The following MAPK10 variants were observed in gnomAD, a reference collection of about 807,000 sequenced individuals.
The protein encoded by MAPK10 is mitogen-activated protein kinase 10, also known as JNK3 alpha protein kinase.
MAPK10 carries 25 observed loss-of-function variants against 59.3 expected under a neutral mutation model. That is an observed-to-expected ratio of 0.42 (90% confidence interval 0.31 to 0.59). The LOEUF (loss-of-function observed/expected upper bound fraction) is 0.59, where lower values mean the gene tolerates loss of function less well. Among genes scored for constraint, MAPK10 ranks in the 20% least tolerant of loss-of-function variants. MAPK10 has a pLI of 0.15. For missense variants in MAPK10, 351 were observed against 568.9 expected, an observed-to-expected ratio of 0.62 and a Z score of 3.90; for synonymous variants, 190 against 200.5, an observed-to-expected ratio of 0.95 and a Z score of 0.44.
intron 9 of MAPK10, among the ~76,000 whole-genome samples, chr4:86,097,466 G>T (rs1393218336): frequency 6.6e-6 from 1 of 151,776 alleles, no homozygotes; most frequent in African/African-American, 2.4e-5. Context: ...ATAATAGAAG[G>T]ATTCCTTAAT....
At chr4:86,023,106 T>C (rs1748185619) in intron 13 of MAPK10, among the ~76,000 whole-genome samples, 1 of 152,236 alleles carries the variant, frequency 6.6e-6, no homozygotes, top group African/African-American at 2.4e-5. Flanking sequence ...TCATTTTTAG[T>C]TCATTTTTGT....
In MAPK10 at chr4:86,461,067, G is replaced by A. The variant is rs533985818; in HGVS notation, c.-262-106423C>T. Among the ~76,000 whole-genome samples the A allele has an allele frequency of 4.1e-4, 63 of 151,920 alleles. 1 individual carries two copies. The South Asian group carries it at 8.8e-3, about 21-fold the overall frequency. On this transcript the variant is annotated intron_variant, in intron 1 of 4. Transcript: ENST00000502302. ...CATACGTGGGGCTCAAACCCAGGTC[G>A]AAGGGTCATTGGAGTGATGGTTGGA...
Position 86,070,535 on chromosome 4 carries a change from T to C in MAPK10, c.803-2580A>G, listed in dbSNP as rs61237754. Among the ~76,000 whole-genome samples, 549 of 142,052 alleles carry C rather than the reference T, an allele frequency of 3.9e-3. 26 individuals are homozygous for C. In the East Asian group the frequency reaches 0.096, roughly 25 times the overall value. 93.2% of individuals were successfully genotyped at this position (142,052 alleles called of 152,430 possible). A position where few individuals can be genotyped will look rare whatever the true frequency, so the allele number is the denominator to read the frequency against. On this transcript the variant is annotated intron_variant, in intron 9 of 13. Transcript: ENST00000641462. ...TAGGTATATCTCCCAATGCTATCCTTCCCCCCTCCCCCCACCCCACCACAG... is the reference window on the plus strand; with the variant it reads ...TAGGTATATCTCCCAATGCTATCCTCCCCCCCTCCCCCCACCCCACCACAG...
intron 2 of MAPK10, among the ~76,000 whole-genome samples, chr4:86,245,686 G>C (rs2093040630): frequency 6.6e-6 from 1 of 151,876 alleles, no homozygotes; most frequent in African/African-American, 2.4e-5. Context: ...AGTTATTTAG[G>C]CCTTGTGGGT....
Position 86,306,303 on chromosome 4 carries a change from CTCAT to C in MAPK10, c.-7+48223_-7+48226del, listed in dbSNP as rs2095567386. ...TTCCTTAATAGAGGATAGCTAGATT[CTCAT>C]TCAATCTATTGTGATATCACATATC... On this transcript the variant is annotated intron_variant, in intron 2 of 13. Transcript: ENST00000641462. Among the ~76,000 whole-genome samples, 6 of 152,338 alleles carry C rather than the reference CTCAT, an allele frequency of 3.9e-5. No individual in the cohort carries two copies. The South Asian group carries it at 1.2e-3, about 32-fold the overall frequency.
intron 1 of MAPK10, among the ~76,000 whole-genome samples, chr4:86,483,802 A>G (rs1753777147): frequency 6.6e-6 from 1 of 152,182 alleles, no homozygotes; most frequent in Non-Finnish European, 1.5e-5. Flanking sequence ...TCATGAAATG[A>G]GATTAGATGG....
intron 1 of MAPK10, among the ~76,000 whole-genome samples, chr4:86,407,751 A>G (rs1264912011): frequency 6.6e-6 from 1 of 152,192 alleles, no homozygotes; most frequent in Non-Finnish European, 1.5e-5. Context: ...AAAATAATTG[A>G]AAGAAAACGT....
rs1742305255 is a variant in MAPK10 at position 86,014,153 on chromosome 4, G to A, written c.*3075C>T. The A allele has an allele frequency of 6.6e-6, 1 of 152,084 alleles. No homozygotes were observed. The highest frequency in any genetic ancestry group is 1.5e-5 in the Non-Finnish European group (1 of 68,028). 9.4% of individuals were successfully genotyped at this position (152,084 alleles called of 1,614,324 possible). A position where few individuals can be genotyped will look rare whatever the true frequency, so the allele number is the denominator to read the frequency against. On this transcript the variant is annotated 3_prime_UTR_variant, in exon 14 of 14. Coordinates refer to ENST00000641462, the MANE Select transcript of MAPK10 (RefSeq NM_138982.4). Reference sequence around the variant, plus strand: ...CTAACAGAAGGTTAGGCTCCTCAGAGTGCCAACTTCATGTTCCAAAATGAG... The same window carrying A: ...CTAACAGAAGGTTAGGCTCCTCAGAATGCCAACTTCATGTTCCAAAATGAG...
At chr4:86,488,356 A>C (rs1754184594) in intron 1 of MAPK10, among the ~76,000 whole-genome samples, 1 of 152,166 alleles carries the variant, frequency 6.6e-6, no homozygotes, top group Admixed American at 6.5e-5. Flanking sequence ...TCATCAATGT[A>C]TAGTTCCAGC....
rs145002128 is a variant in MAPK10 at position 86,247,037 on chromosome 4, G to T, written c.-6-52630C>A. Among the ~76,000 whole-genome samples, 1,154 of 152,288 alleles carry T rather than the reference G, an allele frequency of 7.6e-3. 20 individuals carry two copies. Among genetic ancestry groups the T allele is most frequent in the African/African-American group, 0.026 (1,060 of 41,548 alleles). On this transcript the variant is annotated intron_variant, in intron 2 of 13. Transcript: ENST00000641462. ...GGGTAGGTTTACTCAGCTTCAGCCAGAGAGAATAAGGATGCATGTTAATTG... is the reference window on the plus strand; with the variant it reads ...GGGTAGGTTTACTCAGCTTCAGCCATAGAGAATAAGGATGCATGTTAATTG...
intron 10 of MAPK10, 64 bp from the exon 11 acceptor site, chr4:86,064,454 G>C: frequency 6.5e-7 from 1 of 1,540,810 alleles, no homozygotes; most frequent in South Asian, 1.1e-5. Flanking sequence ...ATTTGTCAGA[G>C]AGGAAATTTA....
chr4:86,064,183 C>T (rs1440822971), intron 11 of MAPK10, 83 bp downstream of exon 11: 13 of 1,521,888 alleles, frequency 8.5e-6, no homozygotes, highest in African/African-American at 2.8e-5. Flanking sequence ...ATTGTGCATT[C>T]TTTAGGCTTC....
intron 5 of MAPK10, among the ~76,000 whole-genome samples, chr4:86,104,136 T>C (rs2056098899): frequency 6.6e-6 from 1 of 152,140 alleles, no homozygotes; most frequent in African/African-American, 2.4e-5. Flanking sequence ...TTATAAATGA[T>C]ATAAAGACAT....
intron 2 of MAPK10, among the ~76,000 whole-genome samples, chr4:86,345,065 C>A (rs2148948009): frequency 6.6e-6 from 1 of 152,170 alleles, no homozygotes; most frequent in African/African-American, 2.4e-5. Context: ...GCTAAAATAT[C>A]TTATTTATTG....
At chr4:86,281,285 G>A (rs1420553197) in intron 2 of MAPK10, among the ~76,000 whole-genome samples, 1 of 151,984 alleles carries the variant, frequency 6.6e-6, no homozygotes, top group Non-Finnish European at 1.5e-5. Context: ...GATCACCTCA[G>A]GTTAGGAGTT....
chr4:86,275,937 A>C lies in MAPK10; in HGVS notation c.-7+78593T>G, dbSNP rs1225597277. Among the ~76,000 whole-genome samples the C allele has an allele frequency of 2.6e-5, 4 of 152,206 alleles. No homozygotes were observed. In the East Asian group the frequency reaches 7.7e-4, roughly 29 times the overall value. ...CTTCTTTAAAGTCATACAAATCTAT[A>C]AGGCTGTACATGAATAGCAGCCATG... On this transcript the variant is annotated intron_variant, in intron 2 of 13. Coordinates refer to ENST00000641462, the MANE Select transcript of MAPK10 (RefSeq NM_138982.4).
chr4:86,569,229 C>T (rs1030080750), intron 1 of MAPK10, among the ~76,000 whole-genome samples: 1 of 152,028 alleles, frequency 6.6e-6, no homozygotes, highest in African/African-American at 2.4e-5. Flanking sequence ...CAAAGAAATG[C>T]AAATTGAAAC....
chr4:86,257,166 C>G (rs1000422233), intron 2 of MAPK10, among the ~76,000 whole-genome samples: 4 of 152,110 alleles, frequency 2.6e-5, no homozygotes, highest in African/African-American at 7.2e-5. Flanking sequence ...TATCTCCAAC[C>G]ATAAATGACC....
upstream of MAPK10, among the ~76,000 whole-genome samples, chr4:86,455,114 C>T (rs1236521065): frequency 2.0e-5 from 3 of 152,110 alleles, no homozygotes; most frequent in African/African-American, 7.2e-5. Context: ...AGCAGCACTA[C>T]AAGAATTGCT....
Sources: allele counts gnomAD v4.1 joint callset (sites outside exome capture counted in the v4.1 genomes callset), GRCh38; gene constraint gnomAD v4.1.1; transcripts MANE v1.5; gene names NCBI Gene and HGNC (gene_info 2026-07-23, HGNC 2026-07-21).